The following PEF1 variants were observed in gnomAD, a reference collection of about 807,000 sequenced individuals.
PEF1 encodes the protein penta-EF-hand domain containing 1, also known as peflin.
Under a neutral mutation model 32.0 loss-of-function variants are expected in PEF1, and 17 were observed. The observed-to-expected ratio is 0.53, with a 90% CI of 0.36 to 0.80. The LOEUF (loss-of-function observed/expected upper bound fraction) is 0.80, where lower values mean the gene tolerates loss of function less well. Ranked by LOEUF, PEF1 falls within the 30% of genes least tolerant of loss-of-function variation. The probability of loss-of-function intolerance (pLI) is 0.00; values close to 1 mark genes in which losing one functional copy is unlikely to be tolerated. For synonymous variants in PEF1, 130 were observed against 139.8 expected (o/e 0.93, Z 0.50); for missense variants, 362 against 369.1 (o/e 0.98, Z 0.16).
intron 1 of PEF1, among the ~76,000 whole-genome samples, chr1:31,643,353 A>C (rs945524882): frequency 6.6e-6 from 1 of 152,248 alleles, no homozygotes; most frequent in Admixed American, 6.5e-5. Flanking sequence ...AACTTTAGTT[A>C]ACTACAGAAT....
chr1:31,644,101 T>C (rs1189441208), intron 1 of PEF1: 2 of 152,672 alleles, frequency 1.3e-5, no homozygotes, highest in East Asian at 3.9e-4. Context: ...ATTTAGGTGG[T>C]AGAGCTAAGA....
chr1:31,641,210 C>T (rs1640382839), intron 1 of PEF1, among the ~76,000 whole-genome samples: 1 of 152,140 alleles, frequency 6.6e-6, no homozygotes, highest in African/African-American at 2.4e-5. Flanking sequence ...AATGGAGCTC[C>T]GTTCTGCTTA....
chr1:31,642,788 C>G (rs557317655), intron 1 of PEF1, among the ~76,000 whole-genome samples: 4 of 152,226 alleles, frequency 2.6e-5, no homozygotes, highest in African/African-American at 7.2e-5. Context: ...TAGGCACTAG[C>G]AACACGCCAG....
At chr1:31,638,538 A>G (rs1356172583) in intron 1 of PEF1, among the ~76,000 whole-genome samples, 2 of 152,206 alleles carry the variant, frequency 1.3e-5, no homozygotes, top group Non-Finnish European at 2.9e-5. Flanking sequence ...CGCACCTGGC[A>G]CCTAGGAAAA....
intron 3 of PEF1, 67 bp downstream of exon 3, chr1:31,633,092 C>T: frequency 2.6e-6 from 4 of 1,524,168 alleles, no homozygotes; most frequent in Non-Finnish European, 3.6e-6. Flanking sequence ...CACCCACCTA[C>T]CCACCTACTG....
chr1:31,639,972 G>A (rs994889841), intron 1 of PEF1, among the ~76,000 whole-genome samples: 5 of 152,108 alleles, frequency 3.3e-5, no homozygotes, highest in Non-Finnish European at 7.3e-5. Flanking sequence ...CTGACTCCAC[G>A]TTCTTTTACA....
chr1:31,632,695 C>T (rs577881109), intron 3 of PEF1, 57 bp from the exon 4 acceptor site: 77 of 1,582,518 alleles, frequency 4.9e-5, no homozygotes, highest in Non-Finnish European at 6.1e-5. Context: ...GGCCAAGGGT[C>T]CCCCTCAGGA....
chr1:31,644,383 T>G, intron 1 of PEF1: 1 of 1,013,350 alleles, frequency 9.9e-7, no homozygotes, highest in African/African-American at 1.7e-5. Context: ...AGCTCACTTG[T>G]GGCGCCTGCT....
intron 4 of PEF1, chr1:31,632,254 C>T (rs906483327): frequency 8.6e-6 from 6 of 697,208 alleles, no homozygotes; most frequent in Non-Finnish European, 1.5e-5. Context: ...GGGGCCGTCT[C>T]ACCCAGCACT....
chr1:31,633,249 T>C lies in PEF1; in HGVS notation c.391A>G (p.Ser131Gly), dbSNP rs777861045. 1.2e-5 allele frequency: 19 copies of C among 1,613,958 alleles called. No individual in the cohort carries two copies. In the East Asian group the frequency reaches 4.2e-4, roughly 36 times the overall value. ...AGCTCCTTCATGGAGATATAGCCAC[T>C]GTGATCTGAGTCCACCGACTGGAAC... is the stretch of plus-strand genomic sequence containing the variant. Reference protein sequence around the residue: ...SWFQSVDSDHSGYISMKELKQ... With the variant: ...SWFQSVDSDHGGYISMKELKQ... Residue 131 changes from serine to glycine, a missense_variant, in exon 3 of 5, where the codon AGT becomes GGT. Coordinates refer to ENST00000373703, the MANE Select transcript of PEF1 (RefSeq NM_012392.4).
At chr1:31,630,919 A>C in intron 4 of PEF1, 77 bp from the exon 5 acceptor site, 1 of 1,230,222 alleles carries the variant, frequency 8.1e-7, no homozygotes, top group Non-Finnish European at 1.2e-6. Flanking sequence ...ATACTGGATC[A>C]CAACAGTTCA....
intron 1 of PEF1, among the ~76,000 whole-genome samples, chr1:31,640,762 A>T (rs919650941): frequency 1.3e-5 from 2 of 149,974 alleles, no homozygotes; most frequent in Admixed American, 1.3e-4. Context: ...AAAGTCCGGT[A>T]TTTTTTTTTT....
At chr1:31,636,195 G>T (rs1024623819) in intron 1 of PEF1, among the ~76,000 whole-genome samples, 1 of 152,196 alleles carries the variant, frequency 6.6e-6, no homozygotes. Context: ...ACAGCACTTT[G>T]GAAGTCTGAG....
At position 31,638,529 on chromosome 1, in the gene PEF1, G is replaced by A. The variant is rs527823881; in HGVS notation, c.25-3007C>T. Among the ~76,000 whole-genome samples, 5 of 152,268 alleles carry A rather than the reference G, an allele frequency of 3.3e-5. No homozygotes were observed. In the South Asian group the frequency reaches 6.2e-4, roughly 19 times the overall value. ...AGCCCTGTGAGCAAAGCTATAAACC[G>A]CACCTGGCACCTAGGAAAACCCACC... On this transcript the variant is annotated intron_variant, in intron 1 of 4. Transcript: ENST00000373703.
At chr1:31,634,917 C>A in intron 2 of PEF1, 1 of 548,584 alleles carries the variant, frequency 1.8e-6, no homozygotes, top group Non-Finnish European at 3.5e-6. Flanking sequence ...ATATCCCAAA[C>A]AGGAGCTGCT....
rs749274820 is a variant in PEF1, at chr1:31,635,218, TTACCC to T, written c.324_325+3del. ...GGTACCCGGAGTCCAAGATTACTAC[TTACCC>T]TGTCCATAAAGCCCAGGCTGCTGGG... is the stretch of plus-strand genomic sequence containing the variant. On this transcript the variant is annotated splice_donor_variant and splice_donor_region_variant and coding_sequence_variant and intron_variant, in exon 2 of 5. Coordinates refer to ENST00000373703, the MANE Select transcript of PEF1 (RefSeq NM_012392.4). LOFTEE classifies it high-confidence loss of function. The T allele has an allele frequency of 2.5e-6, 4 of 1,613,792 alleles. No homozygotes were observed. Among genetic ancestry groups the T allele is most frequent in the Non-Finnish European group, 3.4e-6 (4 of 1,179,822 alleles).
chr1:31,630,426 G>GC lies in PEF1; in HGVS notation c.*186dup. 1 of 641,750 alleles carries GC rather than the reference G, an allele frequency of 1.6e-6. No individual in the cohort carries two copies. The highest frequency in any genetic ancestry group is 2.8e-5 in the Admixed American group (1 of 35,860). The allele number at this position is 641,750 out of a possible 1,614,324, so 39.8% of individuals were successfully genotyped here. On this transcript the variant is annotated 3_prime_UTR_variant, in exon 5 of 5. Coordinates refer to ENST00000373703, the MANE Select transcript of PEF1 (RefSeq NM_012392.4). ...TCAGGCCCCTATCTGTGTGGCCTCAGCCCCGGTCCTCACTATTTGGTGGCT... is the reference window on the plus strand; with the variant it reads ...TCAGGCCCCTATCTGTGTGGCCTCAGCCCCCGGTCCTCACTATTTGGTGGCT...
rs112635687 is a variant in PEF1, at chr1:31,644,823, G to C, written c.24+18C>G. ...GGCACCGCCGCTACCTGGATTCGCG[G>C]GCCCCTCACACACTCACCTGCCGGT... On this transcript the variant is annotated intron_variant, in intron 1 of 4. Transcript: ENST00000373703. 1 of 1,613,720 alleles carries C rather than the reference G, an allele frequency of 6.2e-7. No homozygotes were observed. The highest frequency in any genetic ancestry group is 8.5e-7 in the Non-Finnish European group (1 of 1,179,852).
In PEF1 at chr1:31,630,371, C is replaced by T; in HGVS notation, c.*242G>A. 2 of 533,724 alleles carry T rather than the reference C, an allele frequency of 3.7e-6. No homozygotes were observed. The highest frequency in any genetic ancestry group is 6.8e-6 in the Non-Finnish European group (2 of 295,898). 33.1% of individuals were successfully genotyped at this position (533,724 alleles called of 1,614,324 possible). On this transcript the variant is annotated 3_prime_UTR_variant, in exon 5 of 5. Transcript: ENST00000373703. Reference sequence around the variant, plus strand: ...GTGCCACTCAACTGCTCATGGCCATCAGGACATTCAACTTCTATCCTCTCC... The same window carrying T: ...GTGCCACTCAACTGCTCATGGCCATTAGGACATTCAACTTCTATCCTCTCC...
Sources: allele counts gnomAD v4.1 joint callset (sites outside exome capture counted in the v4.1 genomes callset), GRCh38; gene constraint gnomAD v4.1.1; transcripts MANE v1.5; gene names NCBI Gene and HGNC (gene_info 2026-07-23, HGNC 2026-07-21).